PPP2R1B: variants seen among roughly 807,000 people sequenced by gnomAD.
The protein encoded by PPP2R1B is serine/threonine-protein phosphatase 2A 65 kDa regulatory subunit A beta isoform.
In PPP2R1B, 58 loss-of-function variants were observed where a neutral mutation model predicts 72.7. The observed-to-expected ratio is 0.80, with a 90% confidence interval of 0.65 to 0.99. PPP2R1B has a LOEUF of 0.99. PPP2R1B is among the 50% of genes least tolerant of loss of function. PPP2R1B has a pLI of 0.00. For missense variants in PPP2R1B, 695 were observed against 733.6 expected, an observed-to-expected ratio of 0.95 and a Z score of 0.61; for synonymous variants, 256 against 264.6, an observed-to-expected ratio of 0.97 and a Z score of 0.32.
intron 5 of PPP2R1B, among the ~76,000 whole-genome samples, chr11:111,756,223 G>GAA (rs201724599): frequency 0.026 from 3,712 of 142,100 alleles, 65 homozygotes; most frequent in Non-Finnish European, 0.037. Context: ...AAACAAAAAG[G>GAA]AAAAAAAAAA....
the PPP2R1B span, among the ~76,000 whole-genome samples, chr11:111,717,020 A>G: frequency 6.6e-6 from 1 of 152,210 alleles, no homozygotes; most frequent in Non-Finnish European, 1.5e-5. Flanking sequence ...CATATGAAAA[A>G]AAGCTCAACA....
At chr11:111,694,980 G>A in the PPP2R1B span, among the ~76,000 whole-genome samples, 1 of 152,184 alleles carries the variant, frequency 6.6e-6, no homozygotes, top group Non-Finnish European at 1.5e-5. Context: ...ATGGGAGAGT[G>A]ACTGATGTTT....
the PPP2R1B span, among the ~76,000 whole-genome samples, chr11:111,701,233 T>C: frequency 6.6e-6 from 1 of 152,256 alleles, no homozygotes; most frequent in East Asian, 1.9e-4. The surrounding 1 kb of genome is among the most constrained non-coding windows in gnomAD (Gnocchi z 4.2). Context: ...TAAAGTTAAG[T>C]AGTAATCAAA....
At chr11:111,720,673 C>A in the PPP2R1B span, 1 of 1,614,058 alleles carries the variant, frequency 6.2e-7, no homozygotes, top group Non-Finnish European at 8.5e-7. Context: ...GCCATGCAGG[C>A]TCTGAGCTCC....
intron 3 of PPP2R1B, among the ~76,000 whole-genome samples, chr11:111,762,846 G>A (rs12293026): frequency 0.11 from 16,266 of 152,028 alleles, 2,525 homozygotes; most frequent in African/African-American, 0.35. Flanking sequence ...GCCACACTCC[G>A]GCAGTTTTGA....
downstream of PPP2R1B, chr11:111,726,895 A>G (rs1225635176): frequency 1.4e-6 from 2 of 1,473,748 alleles, no homozygotes; most frequent in Non-Finnish European, 1.9e-6. Context: ...TGAGGTAAAA[A>G]TTTCGTTCGG....
chr11:111,715,865 G>A, the PPP2R1B span, among the ~76,000 whole-genome samples: 1 of 123,298 alleles, frequency 8.1e-6, no homozygotes, highest in Non-Finnish European at 1.6e-5. Flanking sequence ...GCAGTGACAC[G>A]ATCTCAGCTC....
chr11:111,742,611 C>G lies in PPP2R1B; in HGVS notation c.1609G>C (p.Val537Leu). 1.2e-6 allele frequency: 2 copies of G among 1,613,668 alleles called. No individual in the cohort carries two copies. The highest frequency in any genetic ancestry group is 1.7e-6 in the Non-Finnish European group (2 of 1,179,886). The change falls in exon 13 of 15, where the codon GTA becomes CTA. Residue 537 changes from valine (V) to leucine (L), a missense_variant. Transcript: ENST00000527614. ...EITTKQMLPI[V>L]LKMAGDQVAN... Reference sequence around the variant, plus strand: ...ACTTGGTCTCCTGCCATTTTTAATACGATGGGCAGCATTTGCTTAGTAGTT... The same window carrying G: ...ACTTGGTCTCCTGCCATTTTTAATAGGATGGGCAGCATTTGCTTAGTAGTT...
chr11:111,715,252 A>C, the PPP2R1B span, among the ~76,000 whole-genome samples: 1 of 152,172 alleles, frequency 6.6e-6, no homozygotes, highest in Non-Finnish European at 1.5e-5. Context: ...TGTCAGCAAA[A>C]ACGCTTGTCC....
intron 4 of PPP2R1B, 145 bp from the exon 5 acceptor site, chr11:111,760,096 A>G: frequency 1.1e-6 from 1 of 936,646 alleles, no homozygotes; most frequent in Non-Finnish European, 1.5e-6. Context: ...AAAATAAAAC[A>G]TATTCAACTG....
intron 1 of PPP2R1B, chr11:111,765,921 G>A (rs1271773334): frequency 1.4e-5 from 7 of 515,702 alleles, no homozygotes; most frequent in Non-Finnish European, 2.3e-5. Flanking sequence ...CGCTTCTCCT[G>A]CTCCCTCGCC....
intron 10 of PPP2R1B, 96 bp from the exon 11 acceptor site, chr11:111,748,110 A>G: frequency 9.0e-7 from 1 of 1,107,150 alleles, no homozygotes; most frequent in Non-Finnish European, 1.3e-6. Flanking sequence ...AAGGCTAAAA[A>G]AACTTGTTTC....
chr11:111,753,315 G>A, intron 9 of PPP2R1B, 128 bp downstream of exon 9: 1 of 1,283,316 alleles, frequency 7.8e-7, no homozygotes, highest in African/African-American at 1.5e-5. Context: ...AGGTGTCATT[G>A]GTTTAAAATA....
intron 8 of PPP2R1B, 114 bp from the exon 9 acceptor site, chr11:111,753,691 A>C: frequency 9.3e-7 from 1 of 1,077,428 alleles, no homozygotes; most frequent in Non-Finnish European, 1.3e-6. Context: ...CAGTGGCATG[A>C]CCTTGGCTCA....
chr11:111,758,890 G>A (rs1466269444), intron 5 of PPP2R1B, among the ~76,000 whole-genome samples: 10 of 152,210 alleles, frequency 6.6e-5, no homozygotes, highest in African/African-American at 1.9e-4. Flanking sequence ...TATTTTCAAA[G>A]TAGGATTTAG....
chr11:111,747,674 G>A (rs1944752447), intron 11 of PPP2R1B, among the ~76,000 whole-genome samples: 1 of 152,184 alleles, frequency 6.6e-6, no homozygotes, highest in Non-Finnish European at 1.5e-5. Context: ...TAAGGGAGGA[G>A]TAAGTAGATA....
the PPP2R1B span, among the ~76,000 whole-genome samples, chr11:111,719,350 C>T: frequency 5.2e-5 from 5 of 95,290 alleles, no homozygotes; most frequent in African/African-American, 1.9e-4. Flanking sequence ...ATCTTGGTGA[C>T]TACCCCTTTT....
chr11:111,739,488 C>T lies in PPP2R1B; in HGVS notation c.*2108G>A. 2 of 985,452 alleles carry T rather than the reference C, an allele frequency of 2.0e-6. No homozygotes were observed. Among genetic ancestry groups the T allele is most frequent in the Non-Finnish European group, 2.4e-6 (2 of 829,956 alleles). The allele number at this position is 985,452 out of a possible 1,614,324, so 61.0% of individuals were successfully genotyped here. A position where few individuals can be genotyped will look rare whatever the true frequency, so the allele number is the denominator to read the frequency against. On this transcript the variant is annotated 3_prime_UTR_variant, in exon 15 of 15. Coordinates refer to ENST00000527614, the MANE Select transcript of PPP2R1B (RefSeq NM_002716.5). ...AAACAATGAAACCCCTGAGGGGTCA[C>T]CACAAAAGACAGAGGCCCCGCTGAA...
chr11:111,688,131 G>A, the PPP2R1B span: 1 of 1,614,096 alleles, frequency 6.2e-7, no homozygotes, highest in Non-Finnish European at 8.5e-7. The surrounding 1 kb of genome is among the most constrained non-coding windows in gnomAD (Gnocchi z 4.2). Context: ...AAAATCTCCT[G>A]CTGGATAACA....
Sources: allele counts gnomAD v4.1 joint callset (sites outside exome capture counted in the v4.1 genomes callset), GRCh38; gene constraint gnomAD v4.1.1; non-coding constraint Gnocchi (gnomAD v3.1); transcripts MANE v1.5; gene names NCBI Gene and HGNC (gene_info 2026-07-23, HGNC 2026-07-21).